The following ARFGEF3 variants were observed in gnomAD, a reference collection of about 807,000 sequenced individuals.
ARFGEF3 encodes the protein ARFGEF family member 3.
A neutral mutation model predicts 221.7 loss-of-function variants in ARFGEF3; 96 were observed. That is an observed-to-expected ratio of 0.43 (90% confidence interval 0.37 to 0.51). The LOEUF (loss-of-function observed/expected upper bound fraction) is 0.51, where lower values mean the gene tolerates loss of function less well. ARFGEF3 is among the 20% of genes least tolerant of loss of function. The pLI is 0.00. For missense variants in ARFGEF3, 2,410 were observed against 2,789.9 expected, an observed-to-expected ratio of 0.86 and a Z score of 3.07; for synonymous variants, 1,145 against 1,126.8, an observed-to-expected ratio of 1.02 and a Z score of -0.32.
chr6:138,189,682 C>T (rs1423394629), intron 2 of ARFGEF3, among the ~76,000 whole-genome samples: 4 of 152,228 alleles, frequency 2.6e-5, no homozygotes, highest in Middle Eastern at 3.4e-3. Flanking sequence ...GAAGGAAAGT[C>T]GTTTTACTGT....
At chr6:138,302,110 G>GA (rs780366005) in intron 22 of ARFGEF3, among the ~76,000 whole-genome samples, 2 of 152,042 alleles carry the variant, frequency 1.3e-5, no homozygotes, top group African/African-American at 2.4e-5. Context: ...AAACACAGAG[G>GA]AAAAAACAGT....
chr6:138,247,269 C>T (rs1778500998), intron 8 of ARFGEF3, among the ~76,000 whole-genome samples: 1 of 152,188 alleles, frequency 6.6e-6, no homozygotes. Context: ...ACTCAGATTA[C>T]CATCCTAACT....
At chr6:138,323,840 A>C in intron 30 of ARFGEF3, 67 bp downstream of exon 30, 1 of 1,560,476 alleles carries the variant, frequency 6.4e-7, no homozygotes, top group Non-Finnish European at 8.8e-7. Context: ...ATCCCTTACC[A>C]TGTTGGGCAC....
Position 138,320,026 on chromosome 6 carries a change from C to A in ARFGEF3, c.4651+147C>A, listed in dbSNP as rs1779994878. On this transcript the variant is annotated intron_variant, in intron 28 of 33. Transcript: ENST00000251691. ...TTAAAATAGAACAACATGGTCAGTG[C>A]CAGCCTTCTAATAGATTTTCAAAGA... The A allele has an allele frequency of 1.0e-5, 7 of 696,960 alleles. No individual in the cohort carries two copies. In the East Asian group the frequency reaches 1.7e-4, roughly 17 times the overall value. 43.2% of individuals were successfully genotyped at this position (696,960 alleles called of 1,614,324 possible).
chr6:138,328,038 C>T lies in ARFGEF3; in HGVS notation c.5019C>T (p.Thr1673=), dbSNP rs1421855156. 1.3e-6 allele frequency: 2 copies of T among 1,553,370 alleles called. No homozygotes were observed. The highest frequency in any genetic ancestry group is 1.7e-6 in the Non-Finnish European group (2 of 1,147,754). ...CCATACAGGTGTTTATGCTGGACAC[C>T]CAGTGCTCACCAAAGACACCAAACA... ...AMAQQVFMLD[T]QCSPKTPNNF... The change falls in exon 32 of 34, where the codon ACC becomes ACT. Residue 1673 remains threonine, a synonymous_variant. Transcript: ENST00000251691.
chr6:138,311,371 A>T lies in ARFGEF3; in HGVS notation c.4097-36A>T, dbSNP rs770619700. ...CTGTTACAGGGGGGCACGCAAGGGT[A>T]ACACTGTTGGTCTCTGTCTCCCGTG... On this transcript the variant is annotated intron_variant, in intron 24 of 33. Coordinates refer to ENST00000251691, the MANE Select transcript of ARFGEF3 (RefSeq NM_020340.5). 8 of 1,395,206 alleles carry T rather than the reference A, an allele frequency of 5.7e-6. No individual in the cohort carries two copies. In the South Asian group the frequency reaches 9.8e-5, roughly 17 times the overall value. 86.4% of individuals were successfully genotyped at this position (1,395,206 alleles called of 1,614,324 possible).
In ARFGEF3 at chr6:138,338,001, T is replaced by G. The variant is rs1161777033; in HGVS notation, c.*1515T>G. 4.6e-5 allele frequency: 7 copies of G among 152,202 alleles called. No homozygotes were observed. Among genetic ancestry groups the G allele is most frequent in the Non-Finnish European group, 8.8e-5 (6 of 68,038 alleles). The allele number at this position is 152,202 out of a possible 1,614,324, so 9.4% of individuals were successfully genotyped here. A position where few individuals can be genotyped will look rare whatever the true frequency, so the allele number is the denominator to read the frequency against. On this transcript the variant is annotated 3_prime_UTR_variant, in exon 34 of 34. Coordinates refer to ENST00000251691, the MANE Select transcript of ARFGEF3 (RefSeq NM_020340.5). The stretch of plus-strand genomic sequence containing the variant: ...TTGCCCTCCTTGAGAAATATGGAAC[T>G]ACCTTAGAGGTTAAGAGGAAGGCAG...
intron 4 of ARFGEF3, among the ~76,000 whole-genome samples, chr6:138,215,807 A>G (rs1276040662): frequency 6.7e-6 from 1 of 149,036 alleles, no homozygotes; most frequent in Non-Finnish European, 1.5e-5. Flanking sequence ...GAAGGAATCT[A>G]AGTGTCTTTT....
intron 12 of ARFGEF3, among the ~76,000 whole-genome samples, chr6:138,269,545 C>T (rs1234562716): frequency 1.3e-5 from 2 of 152,230 alleles, no homozygotes; most frequent in African/African-American, 4.8e-5. Flanking sequence ...CGCTGTGGCT[C>T]ATGCCTGTAA....
chr6:138,255,369 T>C, intron 9 of ARFGEF3, 67 bp from the exon 10 acceptor site: 1 of 1,184,482 alleles, frequency 8.4e-7, no homozygotes, highest in Non-Finnish European at 1.2e-6. Context: ...GGCATCTGTT[T>C]ACTCGCAGAG....
intron 2 of ARFGEF3, among the ~76,000 whole-genome samples, chr6:138,192,116 C>A (rs1186639369): frequency 1.3e-5 from 2 of 152,128 alleles, no homozygotes; most frequent in African/African-American, 4.8e-5. Flanking sequence ...ATGTTCCCAC[C>A]CAAAGCCTGC....
intron 16 of ARFGEF3, 44 bp downstream of exon 16, chr6:138,286,960 T>G (rs1286578428): frequency 6.2e-7 from 1 of 1,602,682 alleles, no homozygotes; most frequent in Non-Finnish European, 8.5e-7. Context: ...CCTGCAGAAC[T>G]CACTGGGAAT....
chr6:138,334,414 A>G lies in ARFGEF3; in HGVS notation c.5568A>G (p.Ser1856=). The G allele has an allele frequency of 1.2e-6, 2 of 1,612,420 alleles. No homozygotes were observed. The highest frequency in any genetic ancestry group is 1.7e-6 in the Non-Finnish European group (2 of 1,179,310). Residue 1856 remains serine, a synonymous_variant, in exon 33 of 34, where the codon TCA becomes TCG. Transcript: ENST00000251691. The surrounding 1 kb of genome is among the most constrained non-coding windows in gnomAD (Gnocchi z 5.1). ...ERSTDSSQQC[S]SEDEDIFEET... ...GCACGGATTCTTCCCAGCAGTGTTC[A>G]TCTGAGGATGAAGACATCTTTGAGG...
chr6:138,315,069 T>C (rs1779899068), intron 26 of ARFGEF3, among the ~76,000 whole-genome samples: 1 of 152,240 alleles, frequency 6.6e-6, no homozygotes. Context: ...CATTGGTGCC[T>C]AAGTACTTAA....
At chr6:138,190,009 G>A (rs1447910314) in intron 2 of ARFGEF3, among the ~76,000 whole-genome samples, 1 of 151,918 alleles carries the variant, frequency 6.6e-6, no homozygotes, top group Non-Finnish European at 1.5e-5. Flanking sequence ...ACTTGAGCCT[G>A]GGAGGTTGAG....
chr6:138,252,753 G>T (rs1329520948), intron 8 of ARFGEF3, among the ~76,000 whole-genome samples: 1 of 152,160 alleles, frequency 6.6e-6, no homozygotes, highest in African/African-American at 2.4e-5. Flanking sequence ...CTTTTTCTGA[G>T]TATTCCCATC....
chr6:138,278,652 G>T (rs766182615), intron 13 of ARFGEF3, 35 bp downstream of exon 13: 38 of 1,608,426 alleles, frequency 2.4e-5, no homozygotes, highest in Non-Finnish European at 3.2e-5. Flanking sequence ...CTGGCAGAGG[G>T]CAGGCTGTAA....
intron 5 of ARFGEF3, among the ~76,000 whole-genome samples, chr6:138,236,238 C>T (rs1396933369): frequency 6.6e-6 from 1 of 152,136 alleles, no homozygotes; most frequent in Non-Finnish European, 1.5e-5. Context: ...ATCTGTAATG[C>T]TTTTAAGGCT....
intron 25 of ARFGEF3, 27 bp downstream of exon 25, chr6:138,311,537 C>A: frequency 1.3e-6 from 2 of 1,513,856 alleles, no homozygotes; most frequent in East Asian, 2.4e-5. Context: ...GCTGGGCTCC[C>A]GGCCTGGAAA....
Sources: gnomAD v4.1 joint callset for allele counts (sites outside exome capture counted in the v4.1 genomes callset) on GRCh38, gnomAD v4.1.1 for gene constraint, Gnocchi (gnomAD v3.1) non-coding constraint, MANE v1.5 for transcripts, NCBI Gene and HGNC (gene_info 2026-07-23, HGNC 2026-07-21) for gene names.